The following ATP10B variants were observed in gnomAD, a reference collection of about 807,000 sequenced individuals.
The protein encoded by ATP10B is ATPase phospholipid transporting 10B (putative).
Under a neutral mutation model 141.2 loss-of-function variants are expected in ATP10B, and 122 were observed. The ratio of observed to expected loss-of-function variants is 0.86; its 90% CI spans 0.75 to 1.00. The LOEUF is 1.00. Ranked by LOEUF, ATP10B falls within the 50% of genes least tolerant of loss-of-function variation. ATP10B has a pLI of 0.00. For synonymous variants in ATP10B, 685 were observed against 692.0 expected, an observed-to-expected ratio of 0.99 and a Z score of 0.16; for missense variants, 1,876 against 1,825.3, an observed-to-expected ratio of 1.03 and a Z score of -0.51.
At chr5:160,709,026 G>A (rs2127769258) in intron 3 of ATP10B, among the ~76,000 whole-genome samples, 1 of 152,278 alleles carries the variant, frequency 6.6e-6, no homozygotes, top group East Asian at 1.9e-4. Context: ...AGTACAGACA[G>A]ACAGACCCCT....
intron 2 of ATP10B, among the ~76,000 whole-genome samples, chr5:160,735,129 A>G (rs770921233): frequency 5.9e-5 from 9 of 151,692 alleles, no homozygotes; most frequent in Non-Finnish European, 1.3e-4. Context: ...AACAAATAAC[A>G]AAATGGTAGG....
intron 3 of ATP10B, among the ~76,000 whole-genome samples, chr5:160,715,263 C>A (rs1450538239): frequency 7.9e-6 from 1 of 126,170 alleles, no homozygotes; most frequent in Non-Finnish European, 1.7e-5. Flanking sequence ...TAGCAATCAG[C>A]GAGATTCCGT....
At chr5:160,631,609 A>G (rs112281337) in intron 13 of ATP10B, among the ~76,000 whole-genome samples, 138 of 152,396 alleles carry the variant, frequency 9.1e-4, no homozygotes, top group African/African-American at 3.0e-3. Context: ...TCAAACACAC[A>G]TGCCTTACAG....
At chr5:160,898,179 A>G in the ATP10B span, among the ~76,000 whole-genome samples, 1 of 152,220 alleles carries the variant, frequency 6.6e-6, no homozygotes, top group African/African-American at 2.4e-5. Context: ...GAGCTTCTGC[A>G]CAGCAAAAGA....
At chr5:160,574,196 A>G (rs1755050025) in intron 24 of ATP10B, among the ~76,000 whole-genome samples, 1 of 152,162 alleles carries the variant, frequency 6.6e-6, no homozygotes, top group East Asian at 1.9e-4. Flanking sequence ...TTGGGAGGCC[A>G]TGGTGGGTGG....
chr5:160,698,290 C>G lies in ATP10B; in HGVS notation c.-204-9347G>C, dbSNP rs187710165. ...CTCTCTTTCATTTACTACAGCCAAT[C>G]TATTTTTAAGTTTTATCCATTTTTT... On this transcript the variant is annotated intron_variant, in intron 3 of 25. Transcript: ENST00000327245. 1.7e-3 allele frequency among the ~76,000 whole-genome samples: 255 copies of G among 152,190 alleles called. No individual in the cohort carries two copies. In the South Asian group the frequency reaches 0.019, roughly 11 times the overall value.
chr5:160,880,551 C>G, the ATP10B span, among the ~76,000 whole-genome samples: 2 of 152,242 alleles, frequency 1.3e-5, no homozygotes, highest in East Asian at 1.9e-4. Context: ...CTACAGTAAT[C>G]AAGACAATGT....
At chr5:160,914,448 G>A in the ATP10B span, among the ~76,000 whole-genome samples, 5 of 152,172 alleles carry the variant, frequency 3.3e-5, no homozygotes, top group Non-Finnish European at 7.4e-5. Context: ...TATAGCATTT[G>A]AATATAACCT....
rs974558987 is a variant in ATP10B at position 160,852,049 on chromosome 5, T to A, written c.-684A>T. ...TTGGCTAAAATAGTTCTCTTTCCTA[T>A]GGAATTTTTCATTTTTCTGATTATA... is the stretch of plus-strand genomic sequence containing the variant. On this transcript the variant is annotated 5_prime_UTR_variant, in exon 1 of 26. Coordinates refer to ENST00000327245, the MANE Select transcript of ATP10B (RefSeq NM_025153.3). 2 of 152,226 alleles carry A rather than the reference T, an allele frequency of 1.3e-5. No individual in the cohort carries two copies. The highest frequency in any genetic ancestry group is 2.9e-5 in the Non-Finnish European group (2 of 68,038). The allele number at this position is 152,226 out of a possible 1,614,324, so 9.4% of individuals were successfully genotyped here.
chr5:160,861,187 C>T, the ATP10B span, among the ~76,000 whole-genome samples: 2 of 151,720 alleles, frequency 1.3e-5, no homozygotes, highest in Non-Finnish European at 2.9e-5. Context: ...TTGCCATGAC[C>T]TATTTTCCTT....
At chr5:160,642,530 G>C (rs772587203) in intron 9 of ATP10B, among the ~76,000 whole-genome samples, 3 of 152,146 alleles carry the variant, frequency 2.0e-5, no homozygotes, top group Admixed American at 6.5e-5. Context: ...CTCACTTGGT[G>C]GGGGGTGCTA....
the ATP10B span, among the ~76,000 whole-genome samples, chr5:160,921,270 CTTTGTTTT>C: frequency 7.5e-5 from 11 of 147,000 alleles, no homozygotes; most frequent in Admixed American, 2.0e-4. Context: ...CTATTCAGCA[CTTTGTTTT>C]TTTTTTTTTT....
chr5:160,666,172 C>T (rs1204785134), intron 7 of ATP10B, among the ~76,000 whole-genome samples: 1 of 152,114 alleles, frequency 6.6e-6, no homozygotes, highest in African/African-American at 2.4e-5. Context: ...GGAGATGGCG[C>T]CTCTCCTTGG....
Position 160,627,799 on chromosome 5 carries a change from C to T in ATP10B, c.1620+4330G>A, listed in dbSNP as rs145457334. Among the ~76,000 whole-genome samples, 125 of 152,226 alleles carry T rather than the reference C, an allele frequency of 8.2e-4. 1 individual carries two copies. In the South Asian group the frequency reaches 0.015, roughly 18 times the overall value. ...AAAGCACAGTCCTAAACAGTGGGAA[C>T]GGTATGCTTCCACTTGTGAAGGATG... On this transcript the variant is annotated intron_variant, in intron 13 of 25. Transcript: ENST00000327245.
intron 3 of ATP10B, among the ~76,000 whole-genome samples, chr5:160,715,278 G>A (rs558861740): frequency 2.4e-4 from 31 of 128,302 alleles, no homozygotes; most frequent in African/African-American, 8.3e-4. Flanking sequence ...TTCCGTGGGC[G>A]TAGAACCCTC....
At chr5:160,890,627 T>A in the ATP10B span, among the ~76,000 whole-genome samples, 1 of 152,258 alleles carries the variant, frequency 6.6e-6, no homozygotes, top group African/African-American at 2.4e-5. Flanking sequence ...TTTCTTTTTA[T>A]GGCCGAGCAA....
chr5:160,687,854 G>C lies in ATP10B; in HGVS notation c.221C>G (p.Thr74Ser). 6.2e-7 allele frequency: 1 copy of C among 1,614,124 alleles called. No individual in the cohort carries two copies. The highest frequency in any genetic ancestry group is 8.5e-7 in the Non-Finnish European group (1 of 1,180,014). Residue 74 changes from threonine (T) to serine (S), a missense_variant, in exon 5 of 26, where the codon ACC becomes AGC. Thr to Ser is a moderately conservative substitution (Grantham distance 58). Transcript: ENST00000327245. ...RRYPGNRTCT[T>S]KYTLFTFLPR... is the part of the protein sequence containing the mutation. ...CAGGAAGGTGAAGAGGGTGTATTTG[G>C]TTGTGCAGGTTCTGTTGCCAGGGTA...
At chr5:160,855,339 A>G (rs1753968911), upstream of ATP10B, among the ~76,000 whole-genome samples, 1 of 152,020 alleles carries the variant, frequency 6.6e-6, no homozygotes, top group African/African-American at 2.4e-5. Flanking sequence ...GTATAGCAAT[A>G]TCTCATTTTG....
intron 22 of ATP10B, among the ~76,000 whole-genome samples, chr5:160,593,132 CT>C (rs2127614903): frequency 6.6e-6 from 1 of 152,372 alleles, no homozygotes; most frequent in East Asian, 1.9e-4. Context: ...TCCGTGACCC[CT>C]GACCCCTGAG....
Sources: allele counts gnomAD v4.1 joint callset (sites outside exome capture counted in the v4.1 genomes callset), GRCh38; gene constraint gnomAD v4.1.1; transcripts MANE v1.5; gene names NCBI Gene and HGNC (gene_info 2026-07-23, HGNC 2026-07-21).